The following AASDH variants were observed in gnomAD, a reference collection of about 807,000 sequenced individuals.
The protein encoded by AASDH is aminoadipate-semialdehyde dehydrogenase, also known as beta-alanine-activating enzyme.
In AASDH, 81 loss-of-function variants were observed where a neutral mutation model predicts 102.3. The ratio of observed to expected loss-of-function variants is 0.79; its 90% confidence interval spans 0.66 to 0.95. The LOEUF (loss-of-function observed/expected upper bound fraction) is 0.95. Ranked by LOEUF, AASDH falls within the 40% of genes least tolerant of loss-of-function variation. The pLI, the probability that AASDH is intolerant of heterozygous loss-of-function variation, is 0.00. For missense variants in AASDH, 1,203 were observed against 1,266.2 expected, an observed-to-expected ratio of 0.95 and a Z score of 0.76; for synonymous variants, 398 against 454.0, an observed-to-expected ratio of 0.88 and a Z score of 1.57.
chr4:56,379,089 G>A (rs1040397899), intron 3 of AASDH, among the ~76,000 whole-genome samples: 1 of 151,884 alleles, frequency 6.6e-6, no homozygotes, highest in African/African-American at 2.4e-5. Context: ...GGGTTTCACC[G>A]TGTTAGCCAG....
At chr4:56,356,839 T>C (rs994154635) in intron 5 of AASDH, 6 of 839,674 alleles carry the variant, frequency 7.1e-6, no homozygotes, top group Non-Finnish European at 1.2e-5. Flanking sequence ...CCACCGTCAC[T>C]GGGGCGGCAA....
At chr4:56,363,171 G>A (rs1750528113) in intron 5 of AASDH, among the ~76,000 whole-genome samples, 1 of 152,216 alleles carries the variant, frequency 6.6e-6, no homozygotes, top group Non-Finnish European at 1.5e-5. Context: ...CAGCGAGGCT[G>A]GGGGAGGGGC....
intron 5 of AASDH, among the ~76,000 whole-genome samples, chr4:56,369,099 A>G (rs1241706167): frequency 6.6e-6 from 1 of 152,178 alleles, no homozygotes; most frequent in African/African-American, 2.4e-5. Context: ...ATCACCATGA[A>G]ACTATATGCA....
At position 56,371,531 on chromosome 4, in the gene AASDH, T is replaced by C. The variant is rs1751706533; in HGVS notation, c.781A>G (p.Ile261Val). The part of the protein sequence containing the change: ...LALSSGASLL[I>V]VPTSVKLLPS... Reference sequence around the variant, plus strand: ...AGCAACTTGACGGAAGTTGGTACAATAAGCAGAGAGGCACCACTTGATAGA... The same window carrying C: ...AGCAACTTGACGGAAGTTGGTACAACAAGCAGAGAGGCACCACTTGATAGA... Residue 261 changes from isoleucine (I) to valine (V), a missense_variant, in exon 5 of 15, where the codon ATT (isoleucine) becomes GTT (valine). Physicochemically the swap from Ile to Val is conservative, Grantham distance 29. Coordinates refer to ENST00000205214, the MANE Select transcript of AASDH (RefSeq NM_181806.4). The C allele has an allele frequency of 6.2e-7, 1 of 1,613,240 alleles. No homozygotes were observed. The highest frequency in any genetic ancestry group is 8.5e-7 in the Non-Finnish European group (1 of 1,179,912).
intron 11 of AASDH, among the ~76,000 whole-genome samples, chr4:56,348,046 G>T (rs184415526): frequency 3.3e-5 from 5 of 152,016 alleles, no homozygotes; most frequent in Non-Finnish European, 4.4e-5. Flanking sequence ...AGCTACTCAG[G>T]GGGCTGAGGC....
At chr4:56,362,135 C>G (rs1251468058) in intron 5 of AASDH, among the ~76,000 whole-genome samples, 1 of 152,194 alleles carries the variant, frequency 6.6e-6, no homozygotes, top group Non-Finnish European at 1.5e-5. Context: ...TAAAAGAGGT[C>G]TTTAATTTCC....
At chr4:56,377,609 C>G (rs1414045121) in intron 4 of AASDH, among the ~76,000 whole-genome samples, 4 of 152,182 alleles carry the variant, frequency 2.6e-5, no homozygotes, top group Non-Finnish European at 5.9e-5. Context: ...AGCTTCTAAT[C>G]ATATCATTTG....
intron 4 of AASDH, among the ~76,000 whole-genome samples, chr4:56,376,701 A>G (rs1752373579): frequency 6.6e-6 from 1 of 152,262 alleles, no homozygotes; most frequent in Admixed American, 6.5e-5. Flanking sequence ...AAAATATCTT[A>G]CTAGTAATTT....
At chr4:56,359,102 G>A (rs1403669021) in intron 5 of AASDH, among the ~76,000 whole-genome samples, 1 of 125,860 alleles carries the variant, frequency 7.9e-6, no homozygotes, top group African/African-American at 2.9e-5. Flanking sequence ...TTTTGTTGTT[G>A]TTGTTTTTGG....
intron 5 of AASDH, 121 bp downstream of exon 5, chr4:56,371,330 T>C: frequency 9.7e-7 from 1 of 1,036,244 alleles, no homozygotes; most frequent in Non-Finnish European, 1.4e-6. Context: ...AGACGGCCCT[T>C]GATAATCTAA....
At position 56,354,808 on chromosome 4, in the gene AASDH, A is replaced by G. The variant is rs749402260; in HGVS notation, c.1107T>C (p.Cys369=). ...GAAATCCCAGTTGTACAGGCAATTC[A>G]CATCTATGAAAATAAGATACAGAGC... is the stretch of plus-strand genomic sequence containing the variant. ...PEKTLNSTLK[C]ELPVQLGFPL... The change falls in exon 7 of 15, where the codon TGT becomes TGC. Residue 369 remains cysteine (C), a synonymous_variant. Coordinates refer to ENST00000205214, the MANE Select transcript of AASDH (RefSeq NM_181806.4). 6.3e-6 allele frequency: 10 copies of G among 1,595,394 alleles called. No homozygotes were observed. Among genetic ancestry groups the G allele is most frequent in the South Asian group, 1.2e-5 (1 of 86,750 alleles).
rs1320184012 is a variant in AASDH at position 56,371,633 on chromosome 4, C to CA, written c.678dup (p.Asp227Ter). On this transcript the variant is annotated frameshift_variant, in exon 5 of 15. Coordinates refer to ENST00000205214, the MANE Select transcript of AASDH (RefSeq NM_181806.4). LOFTEE classifies it high-confidence loss of function. ...AACAAAACATCTTCTTGTGTGATGTCAAAAAGTACCCTAAGGCAAAACAGA... is the reference window on the plus strand; with the variant it reads ...AACAAAACATCTTCTTGTGTGATGTCAAAAAAGTACCCTAAGGCAAAACAGA... 1 of 1,602,404 alleles carries CA rather than the reference C, an allele frequency of 6.2e-7. No individual in the cohort carries two copies. The highest frequency in any genetic ancestry group is 1.8e-5 in the Admixed American group (1 of 55,738).
chr4:56,353,380 C>T (rs769837100), intron 9 of AASDH, 24 bp downstream of exon 9: 20 of 1,554,400 alleles, frequency 1.3e-5, no homozygotes, highest in Non-Finnish European at 1.7e-5. Flanking sequence ...GGCACTGAAA[C>T]ATATCTGCTT....
chr4:56,370,525 A>G (rs1444926887), intron 5 of AASDH, among the ~76,000 whole-genome samples: 1 of 152,212 alleles, frequency 6.6e-6, no homozygotes, highest in Non-Finnish European at 1.5e-5. Context: ...CATGAATGAG[A>G]TTAGTGCCCT....
chr4:56,379,996 C>A (rs539709192), intron 3 of AASDH, among the ~76,000 whole-genome samples: 1 of 152,088 alleles, frequency 6.6e-6, no homozygotes, highest in Non-Finnish European at 1.5e-5. Flanking sequence ...TTGAAGGTGG[C>A]AATAGCATAG....
chr4:56,349,803 C>T lies in AASDH; in HGVS notation c.1948G>A (p.Asp650Asn), dbSNP rs61978622. The change falls in exon 11 of 15, where the codon GAC (aspartate) becomes AAC (asparagine). Residue 650 changes from aspartate (D) to asparagine (N), a missense_variant. Coordinates refer to ENST00000205214, the MANE Select transcript of AASDH (RefSeq NM_181806.4). ...KSCATKRKLSDINQEEASGTS... is the reference protein window; with the variant it reads ...KSCATKRKLSNINQEEASGTS... ...CCACTGGCTTCCTCTTGATTAATGT[C>T]GCTGAGTTTCCTTTTTGTGGCACAA... The T allele has an allele frequency of 0.028, 45,226 of 1,614,132 alleles. 787 individuals carry two copies. Among genetic ancestry groups the T allele is most frequent in the South Asian group, 0.044 (4,007 of 91,064 alleles).
rs193049164 is a variant in AASDH, at chr4:56,377,164, T to C, written c.668+984A>G. On this transcript the variant is annotated intron_variant, in intron 4 of 14. Coordinates refer to ENST00000205214, the MANE Select transcript of AASDH (RefSeq NM_181806.4). ...ATTCATTCCATTTTACTTTTGAATA[T>C]TACTTAAGCATTTAAAATTACATAA... 2.2e-3 allele frequency among the ~76,000 whole-genome samples: 338 copies of C among 152,316 alleles called. 1 individual carries two copies. The highest frequency in any genetic ancestry group is 7.9e-3 in the African/African-American group (327 of 41,584).
intron 1 of AASDH, among the ~76,000 whole-genome samples, chr4:56,385,294 T>TC (rs1257100720): frequency 1.3e-5 from 2 of 152,230 alleles, no homozygotes; most frequent in Non-Finnish European, 2.9e-5. Context: ...CATACTTGTA[T>TC]AATTGTCAAG....
At chr4:56,384,525 T>C (rs1324482040) in intron 1 of AASDH, among the ~76,000 whole-genome samples, 184 bp from the exon 2 acceptor site, 1 of 152,184 alleles carries the variant, frequency 6.6e-6, no homozygotes, top group Non-Finnish European at 1.5e-5. Flanking sequence ...GAAAATTAAC[T>C]TGATACATCA....
Sources: allele counts gnomAD v4.1 joint callset (sites outside exome capture counted in the v4.1 genomes callset), GRCh38; gene constraint gnomAD v4.1.1; transcripts MANE v1.5; gene names NCBI Gene and HGNC (gene_info 2026-07-23, HGNC 2026-07-21).